MYT1: variants seen among roughly 807,000 people sequenced by gnomAD.
MYT1 encodes the protein myelin transcription factor I.
A neutral mutation model predicts 123.0 loss-of-function variants in MYT1; 23 were observed. The ratio of observed to expected loss-of-function variants is 0.19; its 90% CI spans 0.13 to 0.26. MYT1 has a LOEUF of 0.26. Ranked by LOEUF, MYT1 falls within the 10% of genes least tolerant of loss-of-function variation. The probability of loss-of-function intolerance (pLI) is 1.00; values close to 1 mark genes in which losing one functional copy is unlikely to be tolerated. For missense variants in MYT1, 1,125 were observed against 1,472.5 expected, an observed-to-expected ratio of 0.76 and a Z score of 3.86; for synonymous variants, 518 against 575.3, an observed-to-expected ratio of 0.90 and a Z score of 1.43.
At chr20:64,199,501 C>T (rs540072593) in intron 3 of MYT1, among the ~76,000 whole-genome samples, 1 of 152,206 alleles carries the variant, frequency 6.6e-6, no homozygotes, top group African/African-American at 2.4e-5. Flanking sequence ...TCTTCTCTGT[C>T]CAGCTTGATC....
intron 1 of MYT1, among the ~76,000 whole-genome samples, chr20:64,184,421 A>G (rs756268108): frequency 2.0e-5 from 3 of 152,080 alleles, no homozygotes; most frequent in Non-Finnish European, 4.4e-5. Context: ...GCCATTGTCA[A>G]AAATCAATTG....
chr20:64,223,119 C>T lies in MYT1; in HGVS notation c.2405C>T (p.Thr802Ile), dbSNP rs1169580687. The change falls in exon 15 of 23, where the codon ACC becomes ATC. Residue 802 changes from threonine (T) to isoleucine (I), a missense_variant. Coordinates refer to ENST00000328439, the MANE Select transcript of MYT1 (RefSeq NM_004535.3). ...DIKKELLTCP[T>I]PGCDGSGHIT... ...CTTTTTCCTTTGTCCAGCTGTCCCA[C>T]CCCTGGCTGTGACGGCAGCGGCCAC... The T allele has an allele frequency of 1.4e-5, 23 of 1,614,096 alleles. No homozygotes were observed. The highest frequency in any genetic ancestry group is 1.8e-5 in the Non-Finnish European group (21 of 1,180,046).
rs1277594783 is a variant in MYT1 at position 64,192,517 on chromosome 20, A to G, written c.-1+2357A>G. On this transcript the variant is annotated intron_variant, in intron 2 of 22. Transcript: ENST00000328439. The surrounding 1 kb of genome is among the most constrained non-coding windows in gnomAD (Gnocchi z 5.3). ...TGGTGAGGAGCCAGCATGGGAGGGC[A>G]GTGAACACACAAACCCTGTGCATGG... 1.3e-5 allele frequency among the ~76,000 whole-genome samples: 2 copies of G among 152,224 alleles called. No individual in the cohort carries two copies. The highest frequency in any genetic ancestry group is 6.5e-5 in the Admixed American group (1 of 15,280).
At position 64,207,964 on chromosome 20, in the gene MYT1, T is replaced by G; in HGVS notation, c.768T>G (p.Ser256Arg). The G allele has an allele frequency of 6.3e-7, 1 of 1,590,526 alleles. No individual in the cohort carries two copies. Among genetic ancestry groups the G allele is most frequent in the African/African-American group, 1.5e-5 (1 of 67,768 alleles). Residue 256 changes from serine (S) to arginine (R), a missense_variant, in exon 7 of 23, where the codon AGT becomes AGG. Coordinates refer to ENST00000328439, the MANE Select transcript of MYT1 (RefSeq NM_004535.3). ...EESSKQKGILSHEEEDEEEEE... is the reference protein window; with the variant it reads ...EESSKQKGILRHEEEDEEEEE... ...CCAGCAAGCAGAAAGGCATCCTGAGTCACGAAGAGGAGGACGAGGAGGAGG... is the reference window on the plus strand; with the variant it reads ...CCAGCAAGCAGAAAGGCATCCTGAGGCACGAAGAGGAGGACGAGGAGGAGG...
At chr20:64,236,494 C>G in intron 19 of MYT1, 61 bp from the exon 20 acceptor site, 1 of 1,407,720 alleles carries the variant, frequency 7.1e-7, no homozygotes, top group Admixed American at 1.7e-5. Flanking sequence ...GGTATGTGAC[C>G]CTGGGATGGT....
rs1983751826 is a variant in MYT1, at chr20:64,213,701, G to C, written c.1631+54G>C. 4 of 1,443,752 alleles carry C rather than the reference G, an allele frequency of 2.8e-6. No individual in the cohort carries two copies. Among genetic ancestry groups the C allele is most frequent in the Non-Finnish European group, 3.9e-6 (4 of 1,029,826 alleles). 89.4% of individuals were successfully genotyped at this position (1,443,752 alleles called of 1,614,324 possible). On this transcript the variant is annotated intron_variant, in intron 10 of 22. Coordinates refer to ENST00000328439, the MANE Select transcript of MYT1 (RefSeq NM_004535.3). This position sits in a 1 kb window ranked among gnomAD's most constrained non-coding sequence, Gnocchi z 5.6. ...AGGCTGCCTCCCAAATGCCTGCAGA[G>C]GGCTTCTCAGTCTCCCGCAGGCTGT...
chr20:64,211,666 A>G (rs1368996399), intron 8 of MYT1, among the ~76,000 whole-genome samples: 4 of 152,164 alleles, frequency 2.6e-5, no homozygotes, highest in Non-Finnish European at 4.4e-5. Flanking sequence ...TCTTGCAGCA[A>G]CCTCTGTGCC....
In MYT1 at chr20:64,190,828, G is replaced by A. The variant is rs572461694; in HGVS notation, c.-1+668G>A. ...TACTAAAAACACAAAAATTAGCCGGGCATGGTGGCATGCGCCTGTAATCCC... is the reference window on the plus strand; with the variant it reads ...TACTAAAAACACAAAAATTAGCCGGACATGGTGGCATGCGCCTGTAATCCC... On this transcript the variant is annotated intron_variant, in intron 2 of 22. Transcript: ENST00000328439. The surrounding 1 kb of genome is among the most constrained non-coding windows in gnomAD (Gnocchi z 4.1). Among the ~76,000 whole-genome samples, 3 of 152,110 alleles carry A rather than the reference G, an allele frequency of 2.0e-5. No individual in the cohort carries two copies. The South Asian group carries it at 6.2e-4, about 32-fold the overall frequency.
At chr20:64,239,000 C>T (rs1216852202) in intron 21 of MYT1, among the ~76,000 whole-genome samples, 2 of 152,222 alleles carry the variant, frequency 1.3e-5, no homozygotes, top group Non-Finnish European at 2.9e-5. Context: ...TTGACCCCAT[C>T]CACAGCCTCC....
At chr20:64,214,977 G>A (rs1240159791) in intron 10 of MYT1, among the ~76,000 whole-genome samples, 2 of 152,200 alleles carry the variant, frequency 1.3e-5, no homozygotes, top group East Asian at 3.9e-4. Flanking sequence ...GCAGAGCACA[G>A]AGACTTGCCT....
chr20:64,181,447 C>T (rs75121127), intron 1 of MYT1, among the ~76,000 whole-genome samples: 9,243 of 152,208 alleles, frequency 0.061, 323 homozygotes, highest in African/African-American at 0.095. Context: ...ACTCTATCTC[C>T]CAAGTCTTCT....
chr20:64,201,553 T>A (rs1983300522), intron 4 of MYT1, among the ~76,000 whole-genome samples: 1 of 152,248 alleles, frequency 6.6e-6, no homozygotes. Context: ...TACCATTCAT[T>A]CCTGTATTCT....
In MYT1 at chr20:64,212,179, GGGCCGTGGTGGGGGCC is replaced by G; in HGVS notation, c.1517+42_1517+57del. Reference sequence around the variant, plus strand: ...TGGGCCGTAGTGGGGGCCAGGGTGGGGGCCGTGGTGGGGGCCAGGGTGGGGGCCGTGGTGGGGGCCA... The same window carrying G: ...TGGGCCGTAGTGGGGGCCAGGGTGGGAGGGTGGGGGCCGTGGTGGGGGCCA... On this transcript the variant is annotated intron_variant, in intron 9 of 22. Transcript: ENST00000328439. This position sits in a 1 kb window ranked among gnomAD's most constrained non-coding sequence, Gnocchi z 6.8. 1.1e-6 allele frequency: 1 copy of G among 881,482 alleles called. No homozygotes were observed. Among genetic ancestry groups the G allele is most frequent in the Non-Finnish European group, 1.6e-6 (1 of 611,496 alleles). 54.6% of individuals were successfully genotyped at this position (881,482 alleles called of 1,614,324 possible).
At position 64,164,615 on chromosome 20, in the gene MYT1, C is replaced by G. The variant is rs1601693910; in HGVS notation, c.-223C>G. ...GCACGCAGGCTTCCCCACATGTGAC[C>G]GCTGTACGGGAGGCAGCTGCCTTCC... On this transcript the variant is annotated 5_prime_UTR_variant, in exon 1 of 23. Coordinates refer to ENST00000328439, the MANE Select transcript of MYT1 (RefSeq NM_004535.3). 1 of 152,076 alleles carries G rather than the reference C, an allele frequency of 6.6e-6. No homozygotes were observed. The highest frequency in any genetic ancestry group is 1.9e-4 in the East Asian group (1 of 5,194). 9.4% of individuals were successfully genotyped at this position (152,076 alleles called of 1,614,324 possible). A position where few individuals can be genotyped will look rare whatever the true frequency, so the allele number is the denominator to read the frequency against.
chr20:64,213,671 T>G lies in MYT1; in HGVS notation c.1631+24T>G. 2 of 1,595,470 alleles carry G rather than the reference T, an allele frequency of 1.3e-6. No individual in the cohort carries two copies. Among genetic ancestry groups the G allele is most frequent in the Non-Finnish European group, 1.7e-6 (2 of 1,164,072 alleles). ...AGGTGAGTGAGATGAGCCACAGAAC[T>G]GAAGAGGCTGCCTCCCAAATGCCTG... On this transcript the variant is annotated intron_variant, in intron 10 of 22. Coordinates refer to ENST00000328439, the MANE Select transcript of MYT1 (RefSeq NM_004535.3). The surrounding 1 kb of genome is among the most constrained non-coding windows in gnomAD (Gnocchi z 5.6).
chr20:64,176,469 T>C (rs1465100193), intron 1 of MYT1, among the ~76,000 whole-genome samples: 34 of 151,806 alleles, frequency 2.2e-4, no homozygotes, highest in African/African-American at 7.5e-4. Context: ...TGTGTCCATT[T>C]CCCCTCCCTG....
At position 64,227,977 on chromosome 20, in the gene MYT1, T is replaced by C. The variant is rs1404367170; in HGVS notation, c.2675+6T>C. The C allele has an allele frequency of 2.5e-6, 4 of 1,613,756 alleles. No individual in the cohort carries two copies. The highest frequency in any genetic ancestry group is 2.2e-5 in the South Asian group (2 of 91,058). On this transcript the variant is annotated splice_donor_region_variant and intron_variant, in intron 18 of 22. Transcript: ENST00000328439. ...GAGGACCCCGAGCTGATGAAGTACGTTGGGCCATGCTGGCTCTTTCATTGC... is the reference window on the plus strand; with the variant it reads ...GAGGACCCCGAGCTGATGAAGTACGCTGGGCCATGCTGGCTCTTTCATTGC...
intron 1 of MYT1, among the ~76,000 whole-genome samples, chr20:64,180,912 C>T (rs1206763447): frequency 2.0e-5 from 3 of 152,188 alleles, no homozygotes; most frequent in Non-Finnish European, 4.4e-5. Flanking sequence ...TTCCCTTACT[C>T]GCGGTTCAAT....
At chr20:64,187,233 G>A (rs970939248) in intron 1 of MYT1, among the ~76,000 whole-genome samples, 3 of 142,314 alleles carry the variant, frequency 2.1e-5, no homozygotes, top group East Asian at 4.3e-4. Flanking sequence ...CGGCATCCAC[G>A]TTTCCATGGA....
Sources: allele counts gnomAD v4.1 joint callset (sites outside exome capture counted in the v4.1 genomes callset), GRCh38; gene constraint gnomAD v4.1.1; non-coding constraint Gnocchi (gnomAD v3.1); transcripts MANE v1.5; gene names NCBI Gene and HGNC (gene_info 2026-07-23, HGNC 2026-07-21).